Variants in PALLD observed in about 807,000 individuals in gnomAD.
PALLD encodes the protein palladin, cytoskeletal associated protein.
In PALLD, 61 loss-of-function variants were observed where a neutral mutation model predicts 123.5. That is an observed-to-expected ratio of 0.49 (90% CI 0.40 to 0.61). The LOEUF (loss-of-function observed/expected upper bound fraction) is 0.61. Among genes scored for constraint, PALLD ranks in the 20% least tolerant of loss-of-function variants. PALLD has a pLI of 0.00. For synonymous variants in PALLD, 465 were observed against 496.4 expected (o/e 0.94, Z 0.84); for missense variants, 1,273 against 1,377.0 (o/e 0.92, Z 1.20).
intron 2 of PALLD, among the ~76,000 whole-genome samples, chr4:168,624,644 G>T (rs945237683): frequency 6.6e-6 from 1 of 152,128 alleles, no homozygotes; most frequent in African/African-American, 2.4e-5. Flanking sequence ...TTGGAGAGCA[G>T]ATGGTTAATC....
rs755942969 is a variant in PALLD at position 168,658,284 on chromosome 4, G to GTTTTTTTTTTTTTTTTTTTTT, written c.909-9906_909-9905insTTTTTTTTTTTTTTTTTTTTT. On this transcript the variant is annotated intron_variant, in intron 2 of 21. Transcript: ENST00000505667. ...TTTTGTTGGTGGTGGGTTTTTATTT[G>GTTTTTTTTTTTTTTTTTTTTT]GTTTTTTTTTTTTTTTTTGTGATGA... Among the ~76,000 whole-genome samples, 4 of 120,770 alleles carry GTTTTTTTTTTTTTTTTTTTTT rather than the reference G, an allele frequency of 3.3e-5. 2 individuals carry two copies. The highest frequency in any genetic ancestry group is 3.4e-5 in the Non-Finnish European group (2 of 59,454). The allele number at this position is 120,770 out of a possible 152,430, so 79.2% of individuals were successfully genotyped here.
intron 2 of PALLD, among the ~76,000 whole-genome samples, chr4:168,655,719 G>A (rs1347840209): frequency 2.6e-5 from 4 of 152,100 alleles, no homozygotes; most frequent in Non-Finnish European, 2.9e-5. Context: ...ATTCTTAGTC[G>A]TGATTACATA....
At chr4:168,602,594 G>T (rs941338022) in intron 2 of PALLD, among the ~76,000 whole-genome samples, 1 of 152,168 alleles carries the variant, frequency 6.6e-6, no homozygotes, top group Non-Finnish European at 1.5e-5. Flanking sequence ...CTCAGCGTAT[G>T]ATAAGTTTGG....
chr4:168,814,187 A>C (rs1224932949), intron 10 of PALLD, among the ~76,000 whole-genome samples: 1 of 152,200 alleles, frequency 6.6e-6, no homozygotes, highest in Non-Finnish European at 1.5e-5. Context: ...CTAAGCCTAA[A>C]ATTTTGGCTG....
chr4:168,692,298 G>T (rs1782705913), intron 8 of PALLD, among the ~76,000 whole-genome samples: 2 of 152,134 alleles, frequency 1.3e-5, no homozygotes, highest in Admixed American at 1.3e-4. Flanking sequence ...ACGTTTAAGG[G>T]AGGCTGAGTA....
At chr4:168,603,480 C>T (rs1245713967) in intron 2 of PALLD, among the ~76,000 whole-genome samples, 1 of 152,162 alleles carries the variant, frequency 6.6e-6, no homozygotes, top group African/African-American at 2.4e-5. Context: ...TTATCAATGA[C>T]ATTTTATTAC....
At chr4:168,643,127 G>A (rs77333226) in intron 2 of PALLD, among the ~76,000 whole-genome samples, 3,060 of 152,268 alleles carry the variant, frequency 0.02, 102 homozygotes, top group African/African-American at 0.07. Flanking sequence ...AATGTTGGAT[G>A]ACTTGTTAAA....
intron 1 of PALLD, among the ~76,000 whole-genome samples, chr4:168,502,356 G>C (rs1761503199): frequency 6.6e-6 from 1 of 152,116 alleles, no homozygotes; most frequent in Non-Finnish European, 1.5e-5. Flanking sequence ...CTTTCTTTGA[G>C]GGTAATGAGA....
Position 168,793,571 on chromosome 4 carries a change from C to A in PALLD, c.1964+81648C>A, listed in dbSNP as rs529738878. On this transcript the variant is annotated intron_variant, in intron 10 of 21. Coordinates refer to ENST00000505667, the MANE Select transcript of PALLD (RefSeq NM_001166108.2). ...GAGTTTGAATCCTGGCTCTGCGACT[C>A]ACTAGCATGAGATGACTTAACCCTT... 2.0e-5 allele frequency among the ~76,000 whole-genome samples: 3 copies of A among 152,152 alleles called. No individual in the cohort carries two copies. The East Asian group carries it at 5.8e-4, about 29-fold the overall frequency.
chr4:168,801,202 G>C (rs1739275704), intron 10 of PALLD, among the ~76,000 whole-genome samples: 1 of 152,176 alleles, frequency 6.6e-6, no homozygotes, highest in Admixed American at 6.5e-5. Context: ...GGAATCTTCT[G>C]TTCTATTTTT....
intron 2 of PALLD, among the ~76,000 whole-genome samples, chr4:168,564,668 TAAC>T (rs1311290843): frequency 2.6e-5 from 4 of 152,142 alleles, no homozygotes; most frequent in Non-Finnish European, 5.9e-5. Context: ...GGTAATAAAA[TAAC>T]AGCCTATATA....
chr4:168,721,443 A>T (rs1199298850), intron 10 of PALLD, among the ~76,000 whole-genome samples: 1 of 151,416 alleles, frequency 6.6e-6, no homozygotes, highest in Admixed American at 6.5e-5. Context: ...CTTAATGTCA[A>T]TTTTATGAAA....
At chr4:168,718,594 TAAAG>T (rs796409461) in intron 10 of PALLD, among the ~76,000 whole-genome samples, 3 of 152,354 alleles carry the variant, frequency 2.0e-5, no homozygotes, top group African/African-American at 7.2e-5. Flanking sequence ...GTTAAAAGTA[TAAAG>T]AAATATATGC....
At position 168,779,680 on chromosome 4, in the gene PALLD, CT is replaced by C. The variant is rs781364385; in HGVS notation, c.1964+67759del. 1.9e-4 allele frequency among the ~76,000 whole-genome samples: 29 copies of C among 152,052 alleles called. 1 individual carries two copies. Among genetic ancestry groups the C allele is most frequent in the Non-Finnish European group, 1.2e-4 (8 of 68,008 alleles). On this transcript the variant is annotated intron_variant, in intron 10 of 21. Coordinates refer to ENST00000505667, the MANE Select transcript of PALLD (RefSeq NM_001166108.2). The stretch of plus-strand genomic sequence containing the variant: ...GTCATATTTTTGTATTTTCTACCCA[CT>C]TAGGGGAGACTACAATTATATAAAA...
intron 2 of PALLD, among the ~76,000 whole-genome samples, chr4:168,601,922 T>TGTTTC (rs2149728151): frequency 6.6e-6 from 1 of 152,308 alleles, no homozygotes; most frequent in South Asian, 2.1e-4. Flanking sequence ...CTCTATTTGG[T>TGTTTC]GTTTCATGGC....
At chr4:168,678,725 G>A (rs562922399) in intron 3 of PALLD, among the ~76,000 whole-genome samples, 53 of 152,022 alleles carry the variant, frequency 3.5e-4, no homozygotes, top group African/African-American at 1.2e-3. Flanking sequence ...ACTCACCACC[G>A]TATCATGTAC....
At chr4:168,576,968 C>T (rs1215094414) in intron 2 of PALLD, among the ~76,000 whole-genome samples, 1 of 152,062 alleles carries the variant, frequency 6.6e-6, no homozygotes, top group East Asian at 1.9e-4. Flanking sequence ...GCAGCATTTT[C>T]TTTCTCTGTG....
intron 6 of PALLD, among the ~76,000 whole-genome samples, chr4:168,688,238 G>C (rs1004036242): frequency 1.3e-5 from 2 of 152,306 alleles, no homozygotes; most frequent in Non-Finnish European, 2.9e-5. Context: ...GATGATGACA[G>C]TGAATGGCAG....
chr4:168,799,075 C>T (rs544728610), intron 10 of PALLD, among the ~76,000 whole-genome samples: 7 of 152,280 alleles, frequency 4.6e-5, no homozygotes, highest in Middle Eastern at 3.4e-3. Context: ...AAGTGACGTA[C>T]AGGAATCAGA....
Sources: gnomAD v4.1 joint callset for allele counts (sites outside exome capture counted in the v4.1 genomes callset) on GRCh38, gnomAD v4.1.1 for gene constraint, MANE v1.5 for transcripts, NCBI Gene and HGNC (gene_info 2026-07-23, HGNC 2026-07-21) for gene names.